The following TENM3 variants were observed in gnomAD, a reference collection of about 807,000 sequenced individuals.
TENM3 encodes teneurin-3.
TENM3 carries 63 observed loss-of-function variants against 255.1 expected under a neutral mutation model. The observed-to-expected ratio is 0.25, with a 90% CI of 0.20 to 0.30. The LOEUF (loss-of-function observed/expected upper bound fraction) is 0.30, where lower values mean the gene tolerates loss of function less well. Among genes scored for constraint, TENM3 ranks in the 10% least tolerant of loss-of-function variants. The probability of loss-of-function intolerance (pLI) is 1.00; values close to 1 mark genes in which losing one functional copy is unlikely to be tolerated. For synonymous variants in TENM3, 1,306 were observed against 1,322.3 expected, an observed-to-expected ratio of 0.99 and a Z score of 0.27; for missense variants, 2,929 against 3,461.1, an observed-to-expected ratio of 0.85 and a Z score of 3.86.
chr4:182,695,887 G>A (rs1193403742), intron 12 of TENM3, among the ~76,000 whole-genome samples: 1 of 152,124 alleles, frequency 6.6e-6, no homozygotes, highest in African/African-American at 2.4e-5. Flanking sequence ...TTTCTCCTTT[G>A]AGTATTTATC....
intron 22 of TENM3, among the ~76,000 whole-genome samples, chr4:182,759,914 A>G (rs1208100147): frequency 2.6e-5 from 4 of 152,174 alleles, no homozygotes; most frequent in Non-Finnish European, 1.5e-5. Context: ...TTCATTAGAG[A>G]AGTGGCCAAT....
At chr4:182,031,810 A>G in the TENM3 span, among the ~76,000 whole-genome samples, 1,007 of 152,182 alleles carry the variant, frequency 6.6e-3, 11 homozygotes, top group Non-Finnish European at 0.011. Flanking sequence ...TTCTCTTTGT[A>G]GCAATTGTGC....
At chr4:181,932,397 A>G in the TENM3 span, among the ~76,000 whole-genome samples, 1 of 152,274 alleles carries the variant, frequency 6.6e-6, no homozygotes, top group Non-Finnish European at 1.5e-5. Flanking sequence ...TATGTGGCCA[A>G]CAAACATATG....
At chr4:182,282,892 C>CAAA (rs1470014606) in intron 1 of TENM3, among the ~76,000 whole-genome samples, 2 of 89,362 alleles carry the variant, frequency 2.2e-5, no homozygotes, top group African/African-American at 9.9e-5. Context: ...GACTCCATTT[C>CAAA]AGAAAAAAAA....
chr4:182,266,701 A>G (rs10011107), intron 1 of TENM3, among the ~76,000 whole-genome samples: 26,027 of 152,106 alleles, frequency 0.17, 2,542 homozygotes, highest in African/African-American at 0.25. Context: ...ATTAAATGTG[A>G]AATGGTGTTT....
At chr4:182,627,470 G>C (rs530685133) in intron 4 of TENM3, among the ~76,000 whole-genome samples, 2 of 152,202 alleles carry the variant, frequency 1.3e-5, no homozygotes, top group South Asian at 2.1e-4. Context: ...AAGTATATGA[G>C]TATTAAAATT....
chr4:182,450,460 C>A (rs771895086), intron 3 of TENM3, among the ~76,000 whole-genome samples: 2 of 152,086 alleles, frequency 1.3e-5, no homozygotes, highest in Non-Finnish European at 2.9e-5. Flanking sequence ...GTTCAAAACA[C>A]TCTAGGCAGA....
the TENM3 span, among the ~76,000 whole-genome samples, chr4:181,522,475 T>C: frequency 1.3e-5 from 2 of 152,156 alleles, no homozygotes; most frequent in African/African-American, 2.4e-5. Flanking sequence ...CTTTTAGAAA[T>C]GGTGATTATT....
chr4:182,312,180 A>G (rs1249881457), intron 1 of TENM3, among the ~76,000 whole-genome samples: 1 of 152,202 alleles, frequency 6.6e-6, no homozygotes, highest in Non-Finnish European at 1.5e-5. Context: ...TAAAATACCC[A>G]GCATGAAAAA....
At chr4:182,196,048 G>C (rs777215870) in intron 1 of TENM3, among the ~76,000 whole-genome samples, 10 of 152,160 alleles carry the variant, frequency 6.6e-5, no homozygotes, top group Non-Finnish European at 1.3e-4. Context: ...TCAGAAAGGA[G>C]CTAACAGTCC....
the TENM3 span, among the ~76,000 whole-genome samples, chr4:181,923,959 AT>A: frequency 6.6e-6 from 1 of 152,134 alleles, no homozygotes; most frequent in Non-Finnish European, 1.5e-5. Context: ...GAGTATACTA[AT>A]TTATGCTAAT....
the TENM3 span, among the ~76,000 whole-genome samples, chr4:181,492,442 A>G: frequency 6.6e-6 from 1 of 152,236 alleles, no homozygotes; most frequent in African/African-American, 2.4e-5. Flanking sequence ...TATATTAATT[A>G]TTTCAGTAAT....
At chr4:182,641,821 C>T (rs932147602) in intron 5 of TENM3, among the ~76,000 whole-genome samples, 1 of 152,228 alleles carries the variant, frequency 6.6e-6, no homozygotes, top group Non-Finnish European at 1.5e-5. Context: ...GCCACCGCGC[C>T]TGGCCTATGT....
chr4:181,861,383 G>A, the TENM3 span, among the ~76,000 whole-genome samples: 2 of 152,098 alleles, frequency 1.3e-5, no homozygotes, highest in Non-Finnish European at 2.9e-5. Flanking sequence ...CTTTCAACAT[G>A]TATGCCAATC....
At chr4:181,648,203 C>T in the TENM3 span, among the ~76,000 whole-genome samples, 7 of 152,202 alleles carry the variant, frequency 4.6e-5, no homozygotes, top group East Asian at 1.9e-4. Flanking sequence ...TATGTCCGCA[C>T]GCTGCTCATT....
At chr4:181,985,770 C>T in the TENM3 span, among the ~76,000 whole-genome samples, 1 of 152,118 alleles carries the variant, frequency 6.6e-6, no homozygotes, top group Non-Finnish European at 1.5e-5. Context: ...GTGAATAGCA[C>T]TCCATCATGT....
At chr4:181,926,878 G>T in the TENM3 span, among the ~76,000 whole-genome samples, 1 of 151,754 alleles carries the variant, frequency 6.6e-6, no homozygotes, top group Middle Eastern at 3.2e-3. Flanking sequence ...GAAGCAGGGT[G>T]GGGCATCACC....
chr4:181,595,765 C>A, the TENM3 span, among the ~76,000 whole-genome samples: 2 of 152,020 alleles, frequency 1.3e-5, no homozygotes, highest in Non-Finnish European at 1.5e-5. Context: ...TCTTTTTGTC[C>A]CACACAGTAG....
chr4:182,316,569 C>T (rs1762759382), intron 1 of TENM3, among the ~76,000 whole-genome samples: 1 of 152,104 alleles, frequency 6.6e-6, no homozygotes, highest in African/African-American at 2.4e-5. Context: ...TACTGCCCAA[C>T]ATCCTACTAC....
Sources: allele counts gnomAD v4.1 joint callset (sites outside exome capture counted in the v4.1 genomes callset), GRCh38; gene constraint gnomAD v4.1.1; transcripts MANE v1.5; gene names NCBI Gene and HGNC (gene_info 2026-07-23, HGNC 2026-07-21).